SEMA5A: variants seen among roughly 807,000 people sequenced by gnomAD.
The protein encoded by SEMA5A is semaphorin 5A.
In SEMA5A, 55 loss-of-function variants were observed where a neutral mutation model predicts 135.5. The ratio of observed to expected loss-of-function variants is 0.41; its 90% confidence interval spans 0.33 to 0.51. SEMA5A has a LOEUF of 0.51. SEMA5A is among the 20% of genes least tolerant of loss of function. SEMA5A has a pLI of 0.37. For synonymous variants in SEMA5A, 580 were observed against 546.5 expected (o/e 1.06, Z -0.85); for missense variants, 1,290 against 1,419.9 (o/e 0.91, Z 1.47).
intron 5 of SEMA5A, among the ~76,000 whole-genome samples, chr5:9,256,856 T>C (rs1490016346): frequency 6.6e-6 from 1 of 152,242 alleles, no homozygotes; most frequent in East Asian, 1.9e-4. Context: ...CAGGTGAACC[T>C]GGTTTTAAGA....
At chr5:9,056,389 G>A (rs1014927053) in intron 18 of SEMA5A, among the ~76,000 whole-genome samples, 1 of 152,202 alleles carries the variant, frequency 6.6e-6, no homozygotes, top group African/African-American at 2.4e-5. Flanking sequence ...GTACAATGGT[G>A]CAGCTGCCTC....
At chr5:9,183,580 G>A (rs1316974118) in intron 11 of SEMA5A, among the ~76,000 whole-genome samples, 3 of 152,184 alleles carry the variant, frequency 2.0e-5, no homozygotes, top group Non-Finnish European at 4.4e-5. Context: ...ATGGCCAAGG[G>A]TTCAGGGTCA....
intron 15 of SEMA5A, among the ~76,000 whole-genome samples, chr5:9,114,466 TG>T (rs1415357098): frequency 6.6e-6 from 1 of 151,722 alleles, no homozygotes; most frequent in East Asian, 1.9e-4. Flanking sequence ...ATGTTTTTTT[TG>T]TGTGTGTGTG....
chr5:9,266,790 C>G (rs1260888629), intron 5 of SEMA5A, among the ~76,000 whole-genome samples: 1 of 152,174 alleles, frequency 6.6e-6, no homozygotes, highest in African/African-American at 2.4e-5. Flanking sequence ...CACTACTGAA[C>G]CCCAAGTTCA....
At chr5:9,335,512 A>G (rs1579365703) in intron 4 of SEMA5A, among the ~76,000 whole-genome samples, 1 of 152,220 alleles carries the variant, frequency 6.6e-6, no homozygotes, top group Non-Finnish European at 1.5e-5. Flanking sequence ...CAGAGACAAC[A>G]AGAGAATCTC....
intron 3 of SEMA5A, among the ~76,000 whole-genome samples, chr5:9,345,252 A>C (rs1753809765): frequency 6.6e-6 from 1 of 152,144 alleles, no homozygotes. Flanking sequence ...AAAAATATCA[A>C]ACATGTTTCT....
chr5:9,223,447 A>T (rs1411001209), intron 8 of SEMA5A, among the ~76,000 whole-genome samples: 2 of 152,168 alleles, frequency 1.3e-5, no homozygotes, highest in African/African-American at 4.8e-5. Flanking sequence ...AAAATTGCTG[A>T]AAACATTTTT....
chr5:9,097,580 C>T (rs1739388840), intron 16 of SEMA5A, among the ~76,000 whole-genome samples: 1 of 152,144 alleles, frequency 6.6e-6, no homozygotes, highest in African/African-American at 2.4e-5. Context: ...CAATATGGAA[C>T]CTACAATGGG....
intron 1 of SEMA5A, among the ~76,000 whole-genome samples, chr5:9,506,250 G>A (rs181728596): frequency 1.3e-5 from 2 of 152,270 alleles, no homozygotes; most frequent in East Asian, 3.9e-4. Flanking sequence ...CCATTGGTGA[G>A]GAGTTGCTAA....
intron 16 of SEMA5A, among the ~76,000 whole-genome samples, chr5:9,094,005 C>T (rs1739184288): frequency 1.3e-5 from 2 of 152,220 alleles, no homozygotes; most frequent in African/African-American, 4.8e-5. Context: ...TCACTTCCTC[C>T]TCCTCATGTT....
At position 9,202,220 on chromosome 5, in the gene SEMA5A, A is replaced by G. The variant is rs1309108646; in HGVS notation, c.667T>C (p.Tyr223His). 2 of 1,613,260 alleles carry G rather than the reference A, an allele frequency of 1.2e-6. No homozygotes were observed. The highest frequency in any genetic ancestry group is 1.7e-6 in the Non-Finnish European group (2 of 1,179,474). ...WLNEPNFVSS[Y>H]DIGNFTYFFF... ...AAGTAGGTAAAATTTCCGATGTCAT[A>G]AGATGACACAAAGTTTGGCTCTGGA... Residue 223 changes from tyrosine (Y) to histidine (H), a missense_variant, in exon 9 of 23, where the codon TAT becomes CAT. Around this residue, in one of 3 missense-constraint regions of SEMA5A, gnomAD observed 145 missense variants for 212.0 expected, o/e 0.68. Transcript: ENST00000382496.
intron 3 of SEMA5A, among the ~76,000 whole-genome samples, chr5:9,347,919 A>C (rs930693632): frequency 1.3e-5 from 2 of 152,252 alleles, no homozygotes; most frequent in Non-Finnish European, 2.9e-5. Flanking sequence ...ATTGAAATGC[A>C]CTACCTTTCT....
rs560015889 is a variant in SEMA5A at position 9,400,859 on chromosome 5, C to T, written c.-77-20836G>A. 1.7e-4 allele frequency among the ~76,000 whole-genome samples: 26 copies of T among 152,172 alleles called. No individual in the cohort carries two copies. In the East Asian group the frequency reaches 1.9e-3, roughly 11 times the overall value. On this transcript the variant is annotated intron_variant, in intron 2 of 22. Transcript: ENST00000382496. ...ATCAACTCTACAATTACTTTAAATA[C>T]GTTACATTATATACAATTATAATTT... is the stretch of plus-strand genomic sequence containing the variant.
At chr5:9,146,766 T>A (rs1742361082) in intron 12 of SEMA5A, among the ~76,000 whole-genome samples, 2 of 152,106 alleles carry the variant, frequency 1.3e-5, no homozygotes. Flanking sequence ...CCACTTGGTG[T>A]TTGGCATGTA....
At chr5:9,312,072 G>A (rs1209835130) in intron 5 of SEMA5A, among the ~76,000 whole-genome samples, 4 of 152,126 alleles carry the variant, frequency 2.6e-5, no homozygotes, top group Non-Finnish European at 5.9e-5. Flanking sequence ...ACTCTGTTCA[G>A]TGAGCATCTA....
In SEMA5A at chr5:9,459,355, G is replaced by T. The variant is rs1303222625; in HGVS notation, c.-174-21503C>A. Among the ~76,000 whole-genome samples, 3 of 152,190 alleles carry T rather than the reference G, an allele frequency of 2.0e-5. No individual in the cohort carries two copies. In the East Asian group the frequency reaches 5.8e-4, roughly 29 times the overall value. On this transcript the variant is annotated intron_variant, in intron 1 of 22. Coordinates refer to ENST00000382496, the MANE Select transcript of SEMA5A (RefSeq NM_003966.3). ...TTAGGTCGTTATATTATATAAAATT[G>T]CAGCACCCATCTTGGCAGCTTCCCT...
intron 4 of SEMA5A, among the ~76,000 whole-genome samples, chr5:9,327,420 T>C (rs1189275418): frequency 1.3e-5 from 2 of 152,154 alleles, no homozygotes; most frequent in African/African-American, 4.8e-5. Flanking sequence ...TCATTCCCTA[T>C]CCCAGAAAGA....
At chr5:9,405,420 A>G (rs755754749) in intron 2 of SEMA5A, among the ~76,000 whole-genome samples, 3 of 152,210 alleles carry the variant, frequency 2.0e-5, no homozygotes, top group Non-Finnish European at 2.9e-5. Flanking sequence ...CCCCAGGACA[A>G]CATTTCTTCT....
intron 11 of SEMA5A, among the ~76,000 whole-genome samples, chr5:9,178,345 T>C (rs1346940020): frequency 6.6e-6 from 1 of 150,602 alleles, no homozygotes; most frequent in Non-Finnish European, 1.5e-5. Flanking sequence ...TTTTTTTTTT[T>C]TTGTTGAGAT....
Sources: allele counts gnomAD v4.1 joint callset (sites outside exome capture counted in the v4.1 genomes callset), GRCh38; gene constraint gnomAD v4.1.1; regional missense constraint gnomAD v4.1.1; transcripts MANE v1.5; gene names NCBI Gene and HGNC (gene_info 2026-07-23, HGNC 2026-07-21).